The following TEF variants were observed in gnomAD, a reference collection of about 807,000 sequenced individuals.
TEF encodes thyrotroph embryonic factor.
Under a neutral mutation model 20.8 loss-of-function variants are expected in TEF, and 3 were observed. The observed-to-expected ratio is 0.14, with a 90% CI of 0.07 to 0.37. The LOEUF (loss-of-function observed/expected upper bound fraction) is 0.37, where lower values mean the gene tolerates loss of function less well. TEF is among the 10% of genes least tolerant of loss of function. TEF has a pLI of 1.00. For missense variants in TEF, 296 were observed against 397.9 expected (o/e 0.74, Z 2.18); for synonymous variants, 180 against 171.1 (o/e 1.05, Z -0.41).
chr22:41,378,230 A>G (rs935393870), upstream of TEF, among the ~76,000 whole-genome samples: 3 of 137,478 alleles, frequency 2.2e-5, no homozygotes, highest in Non-Finnish European at 3.0e-5. Context: ...GTGCAGTGGC[A>G]CGATCTCGGC....
intron 1 of TEF, among the ~76,000 whole-genome samples, chr22:41,386,189 A>T (rs2037095167): frequency 6.6e-6 from 1 of 152,174 alleles, no homozygotes; most frequent in Admixed American, 6.5e-5. Flanking sequence ...CTGTAATCCC[A>T]TCACTTTGGG....
rs957164150 is a variant in TEF, at chr22:41,396,363, CTA to C, written c.*405_*406del. ...AGAATGAGTTGTGATCATTGTCACC[CTA>C]TGTCTTCTCAGGTAGCAGGGCGCGT... On this transcript the variant is annotated 3_prime_UTR_variant, in exon 4 of 4. Coordinates refer to ENST00000266304, the MANE Select transcript of TEF (RefSeq NM_003216.4). 2.7e-5 allele frequency: 5 copies of C among 186,572 alleles called. No homozygotes were observed. Among genetic ancestry groups the C allele is most frequent in the African/African-American group, 1.2e-4 (5 of 42,762 alleles). 11.6% of individuals were successfully genotyped at this position (186,572 alleles called of 1,614,324 possible). A position where few individuals can be genotyped will look rare whatever the true frequency, so the allele number is the denominator to read the frequency against.
chr22:41,394,011 G>A (rs1344624594), intron 2 of TEF, 85 bp from the exon 3 acceptor site: 3 of 1,309,508 alleles, frequency 2.3e-6, no homozygotes, highest in Non-Finnish European at 3.2e-6. Flanking sequence ...GCAGCCTTGA[G>A]GTTCAACCAG....
chr22:41,384,614 TTAG>T (rs2037073237), intron 1 of TEF, among the ~76,000 whole-genome samples: 1 of 152,108 alleles, frequency 6.6e-6, no homozygotes, highest in Non-Finnish European at 1.5e-5. Flanking sequence ...TATTCTACAG[TTAG>T]TATATATATT....
At chr22:41,391,472 C>T (rs1016497380) in intron 2 of TEF, among the ~76,000 whole-genome samples, 7 of 151,482 alleles carry the variant, frequency 4.6e-5, no homozygotes, top group Admixed American at 6.6e-5. Context: ...ATAACAGGCA[C>T]GGCCGGCTAC....
At chr22:41,368,866 C>T (rs944347030) in intron 1 of TEF, among the ~76,000 whole-genome samples, 3 of 152,186 alleles carry the variant, frequency 2.0e-5, no homozygotes, top group Non-Finnish European at 4.4e-5. Context: ...ACCTCCTCAG[C>T]GAAGCCCTCT....
intron 2 of TEF, among the ~76,000 whole-genome samples, chr22:41,393,006 C>G (rs1460831528): frequency 6.6e-6 from 1 of 151,472 alleles, no homozygotes; most frequent in African/African-American, 2.4e-5. Flanking sequence ...GTGCACTCTA[C>G]CCTGAGTGAC....
upstream of TEF, among the ~76,000 whole-genome samples, chr22:41,377,900 G>A (rs1601814004): frequency 1.3e-5 from 2 of 152,150 alleles, no homozygotes; most frequent in African/African-American, 4.8e-5. Context: ...GAGATGAGTG[G>A]AGTAGGCATT....
intron 2 of TEF, among the ~76,000 whole-genome samples, chr22:41,392,524 A>G (rs531435260): frequency 6.6e-6 from 1 of 151,874 alleles, no homozygotes; most frequent in African/African-American, 2.4e-5. Context: ...AAATACAAAA[A>G]TTAGCCGAGC....
At chr22:41,376,218 G>A (rs1032576387) in intron 1 of TEF, among the ~76,000 whole-genome samples, 2 of 152,146 alleles carry the variant, frequency 1.3e-5, no homozygotes, top group African/African-American at 2.4e-5. Context: ...TCTACTGAAC[G>A]AAGTTTTTGT....
upstream of TEF, among the ~76,000 whole-genome samples, chr22:41,381,582 G>A (rs1222452217): frequency 3.9e-5 from 6 of 152,360 alleles, no homozygotes; most frequent in Non-Finnish European, 7.3e-5. Flanking sequence ...AGAGGCTGCG[G>A]TGGTTGGGGA....
At chr22:41,369,221 AG>A in intron 1 of TEF, 1 of 985,418 alleles carries the variant, frequency 1.0e-6, no homozygotes, top group Non-Finnish European at 1.2e-6. Context: ...TCTGGCTCCC[AG>A]CTGGTCTGTG....
chr22:41,388,426 T>G (rs2037125451), intron 2 of TEF, among the ~76,000 whole-genome samples: 1 of 152,068 alleles, frequency 6.6e-6, no homozygotes, highest in Non-Finnish European at 1.5e-5. Flanking sequence ...TTTGCCATAT[T>G]TGTCAGGCTG....
upstream of TEF, among the ~76,000 whole-genome samples, chr22:41,378,897 C>T (rs533644257): frequency 6.6e-6 from 1 of 152,328 alleles, no homozygotes; most frequent in Non-Finnish European, 1.5e-5. Context: ...ATTTTCTGTA[C>T]ACAATTAACT....
chr22:41,369,802 C>A, intron 1 of TEF: 1 of 624,622 alleles, frequency 1.6e-6, no homozygotes, highest in Non-Finnish European at 2.0e-6. Context: ...CAACAGAGGC[C>A]AGGTGCTCCA....
At chr22:41,375,855 A>G (rs534387081) in intron 1 of TEF, among the ~76,000 whole-genome samples, 1 of 152,172 alleles carries the variant, frequency 6.6e-6, no homozygotes, top group Non-Finnish European at 1.5e-5. Context: ...TTTTTCAAAA[A>G]AGAGAAAAAA....
upstream of TEF, among the ~76,000 whole-genome samples, chr22:41,378,492 C>T (rs2036975804): frequency 6.6e-6 from 1 of 152,072 alleles, no homozygotes; most frequent in Non-Finnish European, 1.5e-5. Flanking sequence ...ACTACAGGTG[C>T]CCGCCACCAC....
At chr22:41,379,290 A>G (rs2036984465), upstream of TEF, among the ~76,000 whole-genome samples, 1 of 152,118 alleles carries the variant, frequency 6.6e-6, no homozygotes, top group South Asian at 2.1e-4. Flanking sequence ...GTGAACCGAG[A>G]TCCCGCCATT....
intron 1 of TEF, among the ~76,000 whole-genome samples, chr22:41,375,114 G>A (rs994714999): frequency 6.6e-6 from 1 of 152,166 alleles, no homozygotes; most frequent in African/African-American, 2.4e-5. Flanking sequence ...ACAGGGCAGA[G>A]GTGAGGGCTT....
Sources: allele counts gnomAD v4.1 joint callset (sites outside exome capture counted in the v4.1 genomes callset), GRCh38; gene constraint gnomAD v4.1.1; transcripts MANE v1.5; gene names NCBI Gene and HGNC (gene_info 2026-07-23, HGNC 2026-07-21).